FRS2: variants seen among roughly 807,000 people sequenced by gnomAD.
The protein encoded by FRS2 is FGFR signalling adaptor.
A neutral mutation model predicts 43.9 loss-of-function variants in FRS2; 8 were observed. The ratio of observed to expected loss-of-function variants is 0.18; its 90% CI spans 0.11 to 0.33. The LOEUF (loss-of-function observed/expected upper bound fraction) is 0.33, where lower values mean the gene tolerates loss of function less well. Ranked by LOEUF, FRS2 falls within the 10% of genes least tolerant of loss-of-function variation. The pLI is 1.00. For missense variants in FRS2, 534 were observed against 627.6 expected (o/e 0.85, Z 1.59); for synonymous variants, 219 against 220.3 (o/e 0.99, Z 0.05).
At chr12:69,520,900 C>T (rs909984685) in intron 1 of FRS2, among the ~76,000 whole-genome samples, 2 of 151,698 alleles carry the variant, frequency 1.3e-5, no homozygotes, top group African/African-American at 4.8e-5. Flanking sequence ...GATATTTGGG[C>T]TTTTTTTGTG....
In FRS2 at chr12:69,480,888, TTCTTG is replaced by T. The variant is rs1186018384; in HGVS notation, c.-261+10365_-261+10369del. 3.9e-5 allele frequency among the ~76,000 whole-genome samples: 6 copies of T among 152,368 alleles called. No individual in the cohort carries two copies. The East Asian group carries it at 1.2e-3, about 29-fold the overall frequency. ...TGGCTGTTGCTTATGGTGCCACGCC[TTCTTG>T]TCTTGTAATTTTTGACTGTGAAGTT... On this transcript the variant is annotated intron_variant, in intron 1 of 8. Transcript: ENST00000549921.
chr12:69,471,477 C>G (rs541140374), intron 1 of FRS2, among the ~76,000 whole-genome samples: 2 of 152,272 alleles, frequency 1.3e-5, no homozygotes, highest in African/African-American at 2.4e-5. Flanking sequence ...TTGAGAGATT[C>G]CTTACACTGT....
chr12:69,573,308 T>C (rs1303288106), intron 8 of FRS2, among the ~76,000 whole-genome samples: 3 of 152,212 alleles, frequency 2.0e-5, no homozygotes, highest in Non-Finnish European at 4.4e-5. Flanking sequence ...GATAAACTTA[T>C]CTCTTTTCAA....
chr12:69,551,957 C>G (rs985383247), intron 3 of FRS2, among the ~76,000 whole-genome samples: 1 of 151,836 alleles, frequency 6.6e-6, no homozygotes, highest in Non-Finnish European at 1.5e-5. Context: ...TGGCATATTA[C>G]AGTTAAATTG....
rs575951556 is a variant in FRS2, at chr12:69,480,526, G to A, written c.-261+9996G>A. On this transcript the variant is annotated intron_variant, in intron 1 of 8. Coordinates refer to ENST00000549921, the MANE Select transcript of FRS2 (RefSeq NM_001278356.2). The stretch of plus-strand genomic sequence containing the variant: ...CTGGAGTGCAGTGACTCTTCATAGC[G>A]GCGATCATAGCACACTACAACCTCA... 9.1e-4 allele frequency among the ~76,000 whole-genome samples: 138 copies of A among 152,100 alleles called. 1 individual carries two copies. Among genetic ancestry groups the A allele is most frequent in the African/African-American group, 3.0e-3 (123 of 41,488 alleles).
intron 3 of FRS2, among the ~76,000 whole-genome samples, chr12:69,555,201 T>C (rs1324726590): frequency 1.3e-5 from 2 of 151,984 alleles, no homozygotes; most frequent in African/African-American, 2.4e-5. Flanking sequence ...TGTGCCACCA[T>C]GCCTGGCTAA....
chr12:69,518,885 AT>A (rs1332934398), intron 1 of FRS2, among the ~76,000 whole-genome samples: 1 of 151,468 alleles, frequency 6.6e-6, no homozygotes, highest in Non-Finnish European at 1.5e-5. Flanking sequence ...GTGGTGGTGC[AT>A]GCCTGTAATC....
intron 1 of FRS2, among the ~76,000 whole-genome samples, chr12:69,487,380 T>A (rs1872050223): frequency 6.6e-6 from 1 of 152,200 alleles, no homozygotes; most frequent in South Asian, 2.1e-4. Flanking sequence ...CCTAGGGCCC[T>A]TTAAGAATGA....
chr12:69,537,309 T>A (rs1342929620), intron 3 of FRS2, among the ~76,000 whole-genome samples: 1 of 150,316 alleles, frequency 6.7e-6, no homozygotes, highest in African/African-American at 2.5e-5. Flanking sequence ...TTGTTCCTTT[T>A]TGGATCTGAG....
At chr12:69,518,262 C>A (rs569397536) in intron 1 of FRS2, among the ~76,000 whole-genome samples, 1 of 152,310 alleles carries the variant, frequency 6.6e-6, no homozygotes, top group East Asian at 1.9e-4. Context: ...TTGTACAATT[C>A]CCACTTATGA....
At chr12:69,497,005 A>T (rs1489999447) in intron 1 of FRS2, among the ~76,000 whole-genome samples, 1 of 152,226 alleles carries the variant, frequency 6.6e-6, no homozygotes, top group Non-Finnish European at 1.5e-5. Context: ...AAAATGGATG[A>T]TATTAAATAA....
intron 3 of FRS2, among the ~76,000 whole-genome samples, chr12:69,555,039 T>A (rs1879219437): frequency 1.3e-5 from 2 of 151,782 alleles, no homozygotes; most frequent in East Asian, 1.9e-4. Context: ...TATTTTTTTT[T>A]ACCTTTTTTC....
At chr12:69,507,439 T>C (rs1874046048) in intron 1 of FRS2, among the ~76,000 whole-genome samples, 1 of 152,224 alleles carries the variant, frequency 6.6e-6, no homozygotes, top group South Asian at 2.1e-4. Context: ...GTTTGCAAAT[T>C]TGTTTTATAG....
At chr12:69,497,436 G>T (rs912041761) in intron 1 of FRS2, among the ~76,000 whole-genome samples, 1 of 152,214 alleles carries the variant, frequency 6.6e-6, no homozygotes, top group Admixed American at 6.5e-5. Flanking sequence ...CATAGATGGT[G>T]CCTCTTGCTG....
At chr12:69,562,633 C>G (rs935847951) in intron 4 of FRS2, among the ~76,000 whole-genome samples, 9 of 152,054 alleles carry the variant, frequency 5.9e-5, no homozygotes, top group African/African-American at 2.4e-5. Flanking sequence ...TAGCATTGCT[C>G]TTCCCAAACA....
At chr12:69,538,197 T>TATATATATATATATATATATA (rs1555189565) in intron 3 of FRS2, among the ~76,000 whole-genome samples, 74 of 81,582 alleles carry the variant, frequency 9.1e-4, no homozygotes, top group African/African-American at 2.3e-3. Flanking sequence ...AAAACAAATT[T>TATATATATATATATATATATA]TATATATATA....
Position 69,576,893 on chromosome 12 carries a change from G to T in FRS2, c.*1938G>T, listed in dbSNP as rs901649012. On this transcript the variant is annotated 3_prime_UTR_variant, in exon 9 of 9. Transcript: ENST00000549921. ...TAGGTGTGCAGTTTCCATGATGCAG[G>T]TTCCATTTTTAATATATTGTTCCAC... 4 of 152,554 alleles carry T rather than the reference G, an allele frequency of 2.6e-5. No homozygotes were observed. The highest frequency in any genetic ancestry group is 9.7e-5 in the African/African-American group (4 of 41,410). 9.5% of individuals were successfully genotyped at this position (152,554 alleles called of 1,614,324 possible).
chr12:69,496,915 G>C (rs1231341570), intron 1 of FRS2, among the ~76,000 whole-genome samples: 1 of 152,170 alleles, frequency 6.6e-6, no homozygotes, highest in Non-Finnish European at 1.5e-5. Flanking sequence ...CACACACTCT[G>C]TCTCTTAATC....
intron 1 of FRS2, among the ~76,000 whole-genome samples, chr12:69,516,064 A>G (rs1874979141): frequency 6.6e-6 from 1 of 151,944 alleles, no homozygotes; most frequent in Non-Finnish European, 1.5e-5. Context: ...ACCTCTCGTT[A>G]ATTATTACTT....
Sources: allele counts gnomAD v4.1 joint callset (sites outside exome capture counted in the v4.1 genomes callset), GRCh38; gene constraint gnomAD v4.1.1; transcripts MANE v1.5; gene names NCBI Gene and HGNC (gene_info 2026-07-23, HGNC 2026-07-21).